FNDC3B: variants seen among roughly 807,000 people sequenced by gnomAD.
FNDC3B encodes the protein fibronectin type III domain containing 3B, also known as fibronectin type III domain-containing protein 3B.
Under a neutral mutation model 151.5 loss-of-function variants are expected in FNDC3B, and 12 were observed. The observed-to-expected ratio is 0.08, with a 90% CI of 0.05 to 0.13. The LOEUF is 0.13. Ranked by LOEUF, FNDC3B falls within the 10% of genes least tolerant of loss-of-function variation. The pLI, the probability that FNDC3B is intolerant of heterozygous loss-of-function variation, is 1.00. For missense variants in FNDC3B, 1,214 were observed against 1,505.3 expected (o/e 0.81, Z 3.20); for synonymous variants, 528 against 549.0 (o/e 0.96, Z 0.54).
At chr3:172,056,532 T>C (rs1716927666) in intron 1 of FNDC3B, among the ~76,000 whole-genome samples, 1 of 152,236 alleles carries the variant, frequency 6.6e-6, no homozygotes, top group African/African-American at 2.4e-5. Flanking sequence ...ACATCTGAGT[T>C]TGGAACTGTG....
chr3:172,377,537 T>TA (rs1735215339), intron 23 of FNDC3B, among the ~76,000 whole-genome samples: 2 of 152,240 alleles, frequency 1.3e-5, no homozygotes, highest in African/African-American at 2.4e-5. Flanking sequence ...GTGTGCCTGT[T>TA]ATGCTTAACG....
chr3:172,083,424 A>T (rs1718380809), intron 1 of FNDC3B, among the ~76,000 whole-genome samples: 1 of 152,176 alleles, frequency 6.6e-6, no homozygotes, highest in Non-Finnish European at 1.5e-5. Context: ...CAGTAAATGA[A>T]CTTGCTCTTT....
intron 9 of FNDC3B, among the ~76,000 whole-genome samples, chr3:172,303,842 C>T (rs1456683548): frequency 6.6e-6 from 1 of 152,090 alleles, no homozygotes; most frequent in East Asian, 1.9e-4. Context: ...AAGTTGCTGT[C>T]CATTTACTGA....
chr3:172,220,176 T>A (rs1726207809), intron 3 of FNDC3B, among the ~76,000 whole-genome samples: 1 of 152,152 alleles, frequency 6.6e-6, no homozygotes, highest in Non-Finnish European at 1.5e-5. Flanking sequence ...TCTGTGTGTG[T>A]GTGTGTGTGT....
intron 3 of FNDC3B, among the ~76,000 whole-genome samples, chr3:172,182,237 G>A (rs1348274117): frequency 6.6e-6 from 1 of 152,190 alleles, no homozygotes; most frequent in Admixed American, 6.5e-5. Context: ...ACAATTCTAG[G>A]AGCTGGCGTG....
At chr3:172,108,875 G>C (rs1719815581) in intron 1 of FNDC3B, among the ~76,000 whole-genome samples, 1 of 152,190 alleles carries the variant, frequency 6.6e-6, no homozygotes, top group Non-Finnish European at 1.5e-5. Flanking sequence ...CATAGACTAA[G>C]TCATTTCTAT....
intron 4 of FNDC3B, among the ~76,000 whole-genome samples, chr3:172,233,923 C>T (rs781599295): frequency 9.2e-5 from 14 of 152,128 alleles, no homozygotes; most frequent in South Asian, 6.2e-4. Context: ...TTAGATATTT[C>T]GTTTCAGTTA....
chr3:172,278,680 A>T (rs1209115361), intron 6 of FNDC3B, among the ~76,000 whole-genome samples: 1 of 152,138 alleles, frequency 6.6e-6, no homozygotes, highest in Admixed American at 6.5e-5. Context: ...TAATCCCAGC[A>T]CTTTGGGAGG....
intron 19 of FNDC3B, among the ~76,000 whole-genome samples, chr3:172,344,553 C>T (rs916320250): frequency 3.3e-5 from 5 of 152,128 alleles, no homozygotes; most frequent in Non-Finnish European, 7.4e-5. Context: ...GGAAAATTTC[C>T]TATTCTATTG....
intron 3 of FNDC3B, among the ~76,000 whole-genome samples, chr3:172,152,916 TGTC>T (rs1306130561): frequency 6.6e-6 from 1 of 152,182 alleles, no homozygotes; most frequent in Non-Finnish European, 1.5e-5. Flanking sequence ...ATTTGCTGCT[TGTC>T]GTGAATCCAT....
At chr3:172,172,532 G>A (rs939612447) in intron 3 of FNDC3B, among the ~76,000 whole-genome samples, 1 of 152,172 alleles carries the variant, frequency 6.6e-6, no homozygotes, top group Non-Finnish European at 1.5e-5. Flanking sequence ...CTGGGGGAAG[G>A]AGCATATCTG....
At chr3:172,208,233 A>T (rs962773781) in intron 3 of FNDC3B, among the ~76,000 whole-genome samples, 2 of 152,218 alleles carry the variant, frequency 1.3e-5, no homozygotes, top group African/African-American at 4.8e-5. Context: ...AAATTAAAGG[A>T]ATCTGACATT....
At chr3:172,211,843 TTAAA>T (rs916255354) in intron 3 of FNDC3B, among the ~76,000 whole-genome samples, 3 of 152,254 alleles carry the variant, frequency 2.0e-5, no homozygotes, top group Admixed American at 6.5e-5. Flanking sequence ...ACTTCAAGCA[TTAAA>T]TGGGGAATTG....
At chr3:172,116,860 C>A (rs879540608) in intron 2 of FNDC3B, among the ~76,000 whole-genome samples, 1 of 152,210 alleles carries the variant, frequency 6.6e-6, no homozygotes, top group Non-Finnish European at 1.5e-5. Context: ...GCCACCACGC[C>A]CGGTTCACTC....
chr3:172,210,068 C>T (rs375265472), intron 3 of FNDC3B, among the ~76,000 whole-genome samples: 275 of 152,288 alleles, frequency 1.8e-3, no homozygotes, highest in Middle Eastern at 6.8e-3. Context: ...CCTGCGGGAG[C>T]GCAGGGATGC....
At chr3:172,124,271 A>G (rs1720698191) in intron 2 of FNDC3B, among the ~76,000 whole-genome samples, 1 of 152,194 alleles carries the variant, frequency 6.6e-6, no homozygotes, top group Admixed American at 6.5e-5. Flanking sequence ...TTAAATTTTT[A>G]GTAGAGATGA....
chr3:172,205,458 A>C (rs998023917), intron 3 of FNDC3B, among the ~76,000 whole-genome samples: 3 of 152,208 alleles, frequency 2.0e-5, no homozygotes, highest in Admixed American at 1.3e-4. Context: ...AATTGTTACC[A>C]TTGCTTTCTT....
At chr3:172,216,402 C>T (rs1271252084) in intron 3 of FNDC3B, among the ~76,000 whole-genome samples, 5 of 152,110 alleles carry the variant, frequency 3.3e-5, no homozygotes, top group African/African-American at 4.8e-5. Context: ...CACAGTAACT[C>T]GCACCTGTAA....
At chr3:172,107,057 G>A (rs745978230) in intron 1 of FNDC3B, among the ~76,000 whole-genome samples, 64 of 152,252 alleles carry the variant, frequency 4.2e-4, no homozygotes, top group Non-Finnish European at 7.8e-4. Context: ...TTGGAAATGC[G>A]GGGTCTTGCT....
Sources: gnomAD v4.1 joint callset for allele counts (sites outside exome capture counted in the v4.1 genomes callset) on GRCh38, gnomAD v4.1.1 for gene constraint, MANE v1.5 for transcripts, NCBI Gene and HGNC (gene_info 2026-07-23, HGNC 2026-07-21) for gene names.